MYT1L: variants seen among roughly 807,000 people sequenced by gnomAD.
The protein encoded by MYT1L is myelin transcription factor 1 like.
Under a neutral mutation model 126.7 loss-of-function variants are expected in MYT1L, and 12 were observed. That is an observed-to-expected ratio of 0.09 (90% CI 0.06 to 0.15). The LOEUF (loss-of-function observed/expected upper bound fraction) is 0.15. Among genes scored for constraint, MYT1L ranks in the 10% least tolerant of loss-of-function variants. The pLI is 1.00. For synonymous variants in MYT1L, 541 were observed against 604.2 expected, an observed-to-expected ratio of 0.90 and a Z score of 1.53; for missense variants, 979 against 1,585.2, an observed-to-expected ratio of 0.62 and a Z score of 6.49.
chr2:1,905,519 A>G (rs1198186891), intron 13 of MYT1L, among the ~76,000 whole-genome samples: 3 of 151,804 alleles, frequency 2.0e-5, no homozygotes, highest in African/African-American at 7.3e-5. Flanking sequence ...ATGCCCAGCT[A>G]ATTTTTCTAT....
chr2:2,012,403 G>A (rs1407301435), intron 4 of MYT1L, among the ~76,000 whole-genome samples: 3 of 152,222 alleles, frequency 2.0e-5, no homozygotes, highest in African/African-American at 4.8e-5. Flanking sequence ...CATAACAAGT[G>A]CAGAATGGAG....
chr2:2,293,758 C>T (rs546138426), intron 1 of MYT1L, among the ~76,000 whole-genome samples: 13 of 152,244 alleles, frequency 8.5e-5, no homozygotes, highest in Admixed American at 3.9e-4. Flanking sequence ...GGTGCAAGAC[C>T]GGCCCCCTCC....
chr2:2,062,281 C>T (rs750799983), intron 3 of MYT1L, among the ~76,000 whole-genome samples: 7 of 152,250 alleles, frequency 4.6e-5, no homozygotes, highest in Middle Eastern at 3.2e-3. Context: ...CATGTACACA[C>T]GCTGTCCTAT....
chr2:2,324,175 A>T (rs2096213888), intron 1 of MYT1L: 1 of 152,166 alleles, frequency 6.6e-6, no homozygotes, highest in Admixed American at 6.5e-5. Context: ...ATTTACCTGG[A>T]GGGGATATCA....
intron 2 of MYT1L, among the ~76,000 whole-genome samples, chr2:2,235,894 G>C (rs2094285424): frequency 1.3e-5 from 2 of 152,144 alleles, no homozygotes; most frequent in Non-Finnish European, 2.9e-5. Flanking sequence ...TTTACTACTA[G>C]TAGGCTGAGG....
At chr2:1,916,133 GA>G (rs5828875) in intron 11 of MYT1L, among the ~76,000 whole-genome samples, 4,380 of 152,222 alleles carry the variant, frequency 0.029, 94 homozygotes, top group Non-Finnish European at 0.046. Context: ...CTATTTTGAG[GA>G]GCCATTTGAA....
Position 1,806,426 on chromosome 2 carries a change from C to A in MYT1L, c.3172+2650G>T, listed in dbSNP as rs532372744. ...TGCAGCGACCTGGCTGAAGGCTGCC[C>A]AGCAGCAGCAGCTGGGCCCAGCGGG... is the stretch of plus-strand genomic sequence containing the variant. On this transcript the variant is annotated intron_variant, in intron 22 of 24. Coordinates refer to ENST00000647738, the MANE Select transcript of MYT1L (RefSeq NM_001303052.2). This position sits in a 1 kb window ranked among gnomAD's most constrained non-coding sequence, Gnocchi z 4.9. Among the ~76,000 whole-genome samples, 4 of 152,192 alleles carry A rather than the reference C, an allele frequency of 2.6e-5. No homozygotes were observed. The highest frequency in any genetic ancestry group is 4.4e-5 in the Non-Finnish European group (3 of 68,022).
chr2:2,097,375 G>A (rs1432057204), intron 3 of MYT1L, among the ~76,000 whole-genome samples: 1 of 152,096 alleles, frequency 6.6e-6, no homozygotes, highest in Non-Finnish European at 1.5e-5. Flanking sequence ...GGCTCTTCCT[G>A]TGGGCTCTTT....
chr2:2,223,933 G>A (rs762393686), intron 2 of MYT1L, among the ~76,000 whole-genome samples: 1 of 152,184 alleles, frequency 6.6e-6, no homozygotes, highest in Non-Finnish European at 1.5e-5. Flanking sequence ...AGCGAAGGGA[G>A]ATGAAGGAAA....
chr2:2,190,089 A>G (rs1572306585), intron 2 of MYT1L, among the ~76,000 whole-genome samples: 3 of 152,220 alleles, frequency 2.0e-5, no homozygotes, highest in Admixed American at 6.5e-5. Flanking sequence ...CGCTTTCTGT[A>G]TTGGCCCTGC....
At chr2:2,046,872 T>A (rs73913047) in intron 4 of MYT1L, among the ~76,000 whole-genome samples, 3,511 of 152,318 alleles carry the variant, frequency 0.023, 132 homozygotes, top group African/African-American at 0.077. Context: ...AGCCTGCCTG[T>A]CTACTGTCCA....
intron 4 of MYT1L, among the ~76,000 whole-genome samples, chr2:2,029,062 T>A (rs1400768804): frequency 6.6e-6 from 1 of 152,208 alleles, no homozygotes; most frequent in Non-Finnish European, 1.5e-5. Context: ...CAGAACTTTT[T>A]AAAAAGCTTC....
chr2:1,882,435 C>T (rs867532080), intron 18 of MYT1L, among the ~76,000 whole-genome samples: 18 of 152,132 alleles, frequency 1.2e-4, no homozygotes, highest in African/African-American at 4.1e-4. Context: ...CAGGAGCAAG[C>T]TTCGAAGTGG....
At chr2:2,281,860 G>T (rs1000106459) in intron 2 of MYT1L, among the ~76,000 whole-genome samples, 1 of 152,126 alleles carries the variant, frequency 6.6e-6, no homozygotes, top group East Asian at 1.9e-4. Context: ...GAGTTGCCTT[G>T]TTGAGTTGTA....
chr2:2,293,402 C>T (rs772845400), intron 1 of MYT1L, among the ~76,000 whole-genome samples: 5 of 152,188 alleles, frequency 3.3e-5, no homozygotes, highest in Non-Finnish European at 5.9e-5. Flanking sequence ...ATTCCCCATT[C>T]CCCCACGCTG....
rs181545874 is a variant in MYT1L at position 1,950,699 on chromosome 2, G to C, written c.153-7365C>G. On this transcript the variant is annotated intron_variant, in intron 8 of 24. Transcript: ENST00000647738. ...GTTCAGGGAGGCTGCATGGGCAGGA[G>C]GTGGTCAGAGGCTGGAGGTGTGAGG... is the stretch of plus-strand genomic sequence containing the variant. Among the ~76,000 whole-genome samples, 21 of 152,344 alleles carry C rather than the reference G, an allele frequency of 1.4e-4. No homozygotes were observed. In the East Asian group the frequency reaches 4.1e-3, roughly 29 times the overall value.
chr2:2,138,923 A>G (rs924649615), intron 3 of MYT1L, among the ~76,000 whole-genome samples: 12 of 151,826 alleles, frequency 7.9e-5, no homozygotes, highest in Non-Finnish European at 1.6e-4. Flanking sequence ...GTAAAGGCAC[A>G]CTGTGCTAGC....
intron 9 of MYT1L, among the ~76,000 whole-genome samples, chr2:1,936,568 C>T (rs1357189903): frequency 6.6e-6 from 1 of 152,148 alleles, no homozygotes; most frequent in South Asian, 2.1e-4. Flanking sequence ...CTGGTTGAAG[C>T]CTCGCATACC....
At chr2:2,146,608 C>T (rs1405270972) in intron 3 of MYT1L, among the ~76,000 whole-genome samples, 2 of 152,162 alleles carry the variant, frequency 1.3e-5, no homozygotes, top group African/African-American at 4.8e-5. Context: ...TCCCCTGTGT[C>T]CAAAGGAGGG....
Sources: gnomAD v4.1 joint callset for allele counts (sites outside exome capture counted in the v4.1 genomes callset) on GRCh38, gnomAD v4.1.1 for gene constraint, Gnocchi (gnomAD v3.1) non-coding constraint, MANE v1.5 for transcripts, NCBI Gene and HGNC (gene_info 2026-07-23, HGNC 2026-07-21) for gene names.